CDH12: variants seen among roughly 807,000 people sequenced by gnomAD.
CDH12 encodes cadherin 12, also known as cadherin-12.
A neutral mutation model predicts 74.1 loss-of-function variants in CDH12; 41 were observed. That is an observed-to-expected ratio of 0.55 (90% CI 0.43 to 0.72). The LOEUF (loss-of-function observed/expected upper bound fraction) is 0.72. Ranked by LOEUF, CDH12 falls within the 30% of genes least tolerant of loss-of-function variation. The pLI is 0.00. For synonymous variants in CDH12, 399 were observed against 355.0 expected (o/e 1.12, Z -1.39); for missense variants, 945 against 977.2 (o/e 0.97, Z 0.44).
At position 21,894,484 on chromosome 5, in the gene CDH12, C is replaced by T. The variant is rs369419492; in HGVS notation, c.527-39694G>A. On this transcript the variant is annotated intron_variant, in intron 6 of 14. Transcript: ENST00000382254. ...AATATACAAATGTATTAAGTTATCA[C>T]GAGTATCCAAACACTATGTATATCT... Among the ~76,000 whole-genome samples, 21 of 151,310 alleles carry T rather than the reference C, an allele frequency of 1.4e-4. No homozygotes were observed. In the East Asian group the frequency reaches 1.6e-3, roughly 11 times the overall value.
chr5:22,764,379 G>C (rs757542847), intron 1 of CDH12, among the ~76,000 whole-genome samples: 2 of 151,566 alleles, frequency 1.3e-5, no homozygotes, highest in Non-Finnish European at 2.9e-5. Flanking sequence ...AAATTCAATT[G>C]TTGTCTTTTC....
chr5:22,251,596 G>C (rs1429601126), intron 3 of CDH12, among the ~76,000 whole-genome samples: 1 of 152,158 alleles, frequency 6.6e-6, no homozygotes, highest in Non-Finnish European at 1.5e-5. Flanking sequence ...TAGGGATGCT[G>C]TGTATTAAAA....
chr5:22,427,607 T>C (rs1441645649), intron 2 of CDH12, among the ~76,000 whole-genome samples: 3 of 152,242 alleles, frequency 2.0e-5, no homozygotes, highest in Non-Finnish European at 4.4e-5. Flanking sequence ...ATCCAGTAGA[T>C]ACATTGACTT....
intron 5 of CDH12, among the ~76,000 whole-genome samples, chr5:22,025,553 G>A (rs1411211308): frequency 6.6e-6 from 1 of 152,130 alleles, no homozygotes; most frequent in Non-Finnish European, 1.5e-5. Flanking sequence ...ACTGATCAGG[G>A]TGGTGGTTGC....
intron 4 of CDH12, among the ~76,000 whole-genome samples, chr5:22,130,861 G>T (rs1016489711): frequency 1.2e-4 from 18 of 151,562 alleles, no homozygotes; most frequent in Non-Finnish European, 2.2e-4. Context: ...CCTGATCACA[G>T]GCAACCACTG....
chr5:22,302,540 G>A (rs1737932050), intron 3 of CDH12, among the ~76,000 whole-genome samples: 1 of 152,074 alleles, frequency 6.6e-6, no homozygotes, highest in Non-Finnish European at 1.5e-5. Flanking sequence ...TGTCAATAAA[G>A]CATCTTCAAA....
chr5:22,326,995 G>GA (rs1021267116), intron 3 of CDH12, among the ~76,000 whole-genome samples: 4 of 151,996 alleles, frequency 2.6e-5, no homozygotes, highest in African/African-American at 9.7e-5. Flanking sequence ...AATTAGTAGA[G>GA]AAAAAATAAT....
At chr5:21,981,386 A>G (rs1366274341) in intron 5 of CDH12, among the ~76,000 whole-genome samples, 1 of 151,990 alleles carries the variant, frequency 6.6e-6, no homozygotes, top group African/African-American at 2.4e-5. Context: ...CATACTGTTT[A>G]TAATTGTTTT....
chr5:22,181,947 C>T (rs1174791005), intron 4 of CDH12, among the ~76,000 whole-genome samples: 2 of 152,174 alleles, frequency 1.3e-5, no homozygotes, highest in Non-Finnish European at 2.9e-5. Context: ...CTTTATATCC[C>T]AGGCTATCTT....
chr5:22,117,458 TTA>T (rs1355918274), intron 4 of CDH12, among the ~76,000 whole-genome samples: 56 of 75,474 alleles, frequency 7.4e-4, no homozygotes, highest in South Asian at 1.9e-3. Context: ...AATATATATA[TTA>T]TATATATAAT....
intron 5 of CDH12, among the ~76,000 whole-genome samples, chr5:22,061,847 C>A (rs1483419733): frequency 6.6e-6 from 1 of 152,126 alleles, no homozygotes; most frequent in Non-Finnish European, 1.5e-5. Flanking sequence ...ACTCTACATT[C>A]TTAGTCATAT....
rs573787891 is a variant in CDH12 at position 21,940,507 on chromosome 5, AG to A, written c.526+34583del. ...ATTTCTTCTAACTTGTGAAGTTCAC[AG>A]CTATTTCAAAAAACAGTTAAGCTTG... On this transcript the variant is annotated intron_variant, in intron 6 of 14. Transcript: ENST00000382254. Among the ~76,000 whole-genome samples the A allele has an allele frequency of 5.4e-3, 823 of 152,342 alleles. 11 individuals are homozygous for A. Among genetic ancestry groups the A allele is most frequent in the African/African-American group, 0.017 (692 of 41,590 alleles).
At chr5:21,792,759 C>T (rs1447794408) in intron 10 of CDH12, among the ~76,000 whole-genome samples, 1 of 151,638 alleles carries the variant, frequency 6.6e-6, no homozygotes, top group Non-Finnish European at 1.5e-5. Context: ...TTGACAAGAA[C>T]TTCTTCTGCC....
chr5:21,814,233 AT>A (rs1418271471), intron 9 of CDH12, among the ~76,000 whole-genome samples: 1 of 151,856 alleles, frequency 6.6e-6, no homozygotes, highest in East Asian at 1.9e-4. Flanking sequence ...ATCTAAATCT[AT>A]TTTAATAAAA....
chr5:22,676,389 A>G (rs1741190967), intron 1 of CDH12, among the ~76,000 whole-genome samples: 1 of 152,066 alleles, frequency 6.6e-6, no homozygotes, highest in African/African-American at 2.4e-5. Context: ...TTTTCCACTT[A>G]TTTGCAGGAC....
intron 4 of CDH12, among the ~76,000 whole-genome samples, chr5:22,153,913 T>C (rs10473578): frequency 0.14 from 18,531 of 129,142 alleles, 1,496 homozygotes; most frequent in Non-Finnish European, 0.16. Context: ...TACACACACA[T>C]ACACACACAC....
At chr5:22,193,661 G>T (rs1750432490) in intron 4 of CDH12, among the ~76,000 whole-genome samples, 1 of 151,354 alleles carries the variant, frequency 6.6e-6, no homozygotes, top group Non-Finnish European at 1.5e-5. Context: ...ATACAAATTT[G>T]GATAAGCAGC....
intron 3 of CDH12, among the ~76,000 whole-genome samples, chr5:22,359,022 T>C (rs1740682856): frequency 6.6e-6 from 1 of 152,176 alleles, no homozygotes; most frequent in South Asian, 2.1e-4. Flanking sequence ...CTGCATCAAC[T>C]AATGAGCAAA....
At chr5:22,283,114 A>T (rs1415604342) in intron 3 of CDH12, among the ~76,000 whole-genome samples, 1 of 150,812 alleles carries the variant, frequency 6.6e-6, no homozygotes, top group African/African-American at 2.4e-5. Context: ...AATATTTGTC[A>T]CACAGAATAT....
Sources: gnomAD v4.1 joint callset for allele counts (sites outside exome capture counted in the v4.1 genomes callset) on GRCh38, gnomAD v4.1.1 for gene constraint, MANE v1.5 for transcripts, NCBI Gene and HGNC (gene_info 2026-07-23, HGNC 2026-07-21) for gene names.